DPP10: variants seen among roughly 807,000 people sequenced by gnomAD.
The protein encoded by DPP10 is inactive dipeptidyl peptidase 10.
DPP10 carries 33 observed loss-of-function variants against 120.9 expected under a neutral mutation model. That is an observed-to-expected ratio of 0.27 (90% confidence interval 0.21 to 0.37). The LOEUF (loss-of-function observed/expected upper bound fraction) is 0.37. DPP10 is among the 10% of genes least tolerant of loss of function. DPP10 has a pLI of 1.00. For synonymous variants in DPP10, 337 were observed against 326.1 expected (o/e 1.03, Z -0.36); for missense variants, 816 against 942.8 (o/e 0.87, Z 1.76).
rs1283361419 is a variant in DPP10, at chr2:114,820,908, T to C, written c.60+378070T>C. On this transcript the variant is annotated intron_variant, in intron 1 of 25. Transcript: ENST00000410059. ...TTCAAAATGATATGTCTCCGATGAGTGGAGGAACACCCGGTTCTTCATCTT... is the reference window on the plus strand; with the variant it reads ...TTCAAAATGATATGTCTCCGATGAGCGGAGGAACACCCGGTTCTTCATCTT... Among the ~76,000 whole-genome samples the C allele has an allele frequency of 4.6e-5, 7 of 152,118 alleles. 1 individual carries two copies. The highest frequency in any genetic ancestry group is 4.6e-4 in the Admixed American group (7 of 15,284).
rs531089371 is a variant in DPP10, at chr2:114,743,950, C to A, written c.60+301112C>A. Among the ~76,000 whole-genome samples the A allele has an allele frequency of 4.0e-5, 6 of 151,648 alleles. No individual in the cohort carries two copies. The South Asian group carries it at 1.0e-3, about 26-fold the overall frequency. ...CTAATAAGCAACTTTATTACAAGAT[C>A]GAAGGTTATAAGTATTCTAAGCAAA... On this transcript the variant is annotated intron_variant, in intron 1 of 25. Coordinates refer to ENST00000410059, the MANE Select transcript of DPP10 (RefSeq NM_020868.6).
intron 2 of DPP10, among the ~76,000 whole-genome samples, chr2:115,320,430 A>G (rs1326612926): frequency 1.3e-5 from 2 of 151,546 alleles, no homozygotes; most frequent in East Asian, 1.9e-4. Flanking sequence ...AAGTCCTTCA[A>G]TGCTGCTTTC....
At chr2:114,553,684 CTTTA>C (rs1226560294) in intron 1 of DPP10, among the ~76,000 whole-genome samples, 1 of 150,306 alleles carries the variant, frequency 6.7e-6, no homozygotes, top group Admixed American at 6.6e-5. Flanking sequence ...TAGAGGCTTT[CTTTA>C]TTTTTTTTTC....
intron 2 of DPP10, among the ~76,000 whole-genome samples, chr2:115,333,503 A>G (rs999154383): frequency 4.6e-5 from 7 of 152,138 alleles, no homozygotes; most frequent in African/African-American, 1.7e-4. Flanking sequence ...TAGTTGATGC[A>G]GTGTCTTCCT....
At chr2:115,153,422 G>T (rs770295766) in intron 1 of DPP10, among the ~76,000 whole-genome samples, 2 of 152,128 alleles carry the variant, frequency 1.3e-5, no homozygotes, top group African/African-American at 4.8e-5. Context: ...CTATTTGGGG[G>T]TTCCTTTCTT....
intron 1 of DPP10, among the ~76,000 whole-genome samples, chr2:114,531,188 A>T (rs1481734208): frequency 6.6e-6 from 1 of 152,074 alleles, no homozygotes; most frequent in African/African-American, 2.4e-5. Flanking sequence ...TGTACTTGTC[A>T]TCGTGGTGGG....
intron 1 of DPP10, chr2:115,161,866 C>T: frequency 9.4e-6 from 12 of 1,269,900 alleles, no homozygotes; most frequent in Non-Finnish European, 1.2e-5. Context: ...CCGGGAGCGA[C>T]GGGCGCCCGT....
At chr2:115,761,096 C>CAAAAAAAAA (rs34165193) in intron 11 of DPP10, among the ~76,000 whole-genome samples, 1 of 90,272 alleles carries the variant, frequency 1.1e-5, no homozygotes. Context: ...GACTTTGTCT[C>CAAAAAAAAA]AAAAAAAAAA....
At chr2:115,507,302 T>G (rs1266235844) in intron 4 of DPP10, among the ~76,000 whole-genome samples, 1 of 152,162 alleles carries the variant, frequency 6.6e-6, no homozygotes, top group Non-Finnish European at 1.5e-5. Context: ...GGATCCCTGT[T>G]GTGTGTCAGA....
chr2:114,796,763 C>T (rs973175783), intron 1 of DPP10, among the ~76,000 whole-genome samples: 1 of 152,150 alleles, frequency 6.6e-6, no homozygotes, highest in Non-Finnish European at 1.5e-5. Context: ...TTCCTATGTG[C>T]AAGTGATAGA....
intron 3 of DPP10, among the ~76,000 whole-genome samples, chr2:115,394,391 T>C (rs1008210177): frequency 6.6e-6 from 1 of 150,956 alleles, no homozygotes; most frequent in African/African-American, 2.4e-5. Context: ...CTTTTGAGAA[T>C]GTGAGAGATG....
At chr2:115,836,647 T>C in intron 23 of DPP10, 27 bp from the exon 24 acceptor site, 2 of 1,610,844 alleles carry the variant, frequency 1.2e-6, no homozygotes, top group Non-Finnish European at 1.7e-6. Flanking sequence ...GATCTATAGA[T>C]ACAGATATTT....
At chr2:114,500,268 T>C (rs1683040758) in intron 1 of DPP10, among the ~76,000 whole-genome samples, 1 of 152,220 alleles carries the variant, frequency 6.6e-6, no homozygotes, top group African/African-American at 2.4e-5. Context: ...GATCATGGCC[T>C]GAGGTTTGCA....
chr2:114,927,081 C>T (rs778934669), intron 1 of DPP10, among the ~76,000 whole-genome samples: 5 of 152,018 alleles, frequency 3.3e-5, no homozygotes, highest in African/African-American at 4.8e-5. Context: ...GAGCTCCTGA[C>T]CTCATGATCC....
chr2:114,454,460 A>G (rs1051627998), intron 1 of DPP10, among the ~76,000 whole-genome samples: 1 of 152,166 alleles, frequency 6.6e-6, no homozygotes, highest in African/African-American at 2.4e-5. Flanking sequence ...TAAGCTTACT[A>G]CAAAACTGAG....
intron 1 of DPP10, among the ~76,000 whole-genome samples, chr2:115,265,393 T>A (rs561782747): frequency 2.8e-4 from 42 of 152,062 alleles, no homozygotes; most frequent in Non-Finnish European, 2.4e-4. Context: ...TTAGGCACTC[T>A]GAATTTAAAT....
intron 3 of DPP10, among the ~76,000 whole-genome samples, chr2:115,364,641 T>C (rs75025598): frequency 3.3e-5 from 5 of 151,178 alleles, no homozygotes; most frequent in African/African-American, 9.7e-5. Context: ...TTTTTTTTTT[T>C]CCTTTAAGTT....
At chr2:114,968,647 G>C (rs992638219) in intron 1 of DPP10, among the ~76,000 whole-genome samples, 1 of 152,092 alleles carries the variant, frequency 6.6e-6, no homozygotes, top group Non-Finnish European at 1.5e-5. Flanking sequence ...TGTTTATAAA[G>C]TCTATTTCCT....
At chr2:115,331,204 C>G (rs1037048994) in intron 2 of DPP10, among the ~76,000 whole-genome samples, 1 of 152,074 alleles carries the variant, frequency 6.6e-6, no homozygotes, top group Non-Finnish European at 1.5e-5. Flanking sequence ...AATGGGAGTT[C>G]ACTCATGATT....
Sources: gnomAD v4.1 joint callset for allele counts (sites outside exome capture counted in the v4.1 genomes callset) on GRCh38, gnomAD v4.1.1 for gene constraint, MANE v1.5 for transcripts, NCBI Gene and HGNC (gene_info 2026-07-23, HGNC 2026-07-21) for gene names.